Variants in CUEDC1 observed in about 807,000 individuals in gnomAD.
CUEDC1 encodes CUE domain containing 1.
CUEDC1 carries 30 observed loss-of-function variants against 43.7 expected under a neutral mutation model. The observed-to-expected ratio is 0.69, with a 90% CI of 0.51 to 0.93. The LOEUF is 0.93. Among genes scored for constraint, CUEDC1 ranks in the 40% least tolerant of loss-of-function variants. The pLI is 0.00. For synonymous variants in CUEDC1, 223 were observed against 223.6 expected, an observed-to-expected ratio of 1.00 and a Z score of 0.02; for missense variants, 486 against 549.0, an observed-to-expected ratio of 0.89 and a Z score of 1.15.
intron 6 of CUEDC1, among the ~76,000 whole-genome samples, chr17:57,870,427 C>A (rs777498143): frequency 6.6e-6 from 1 of 152,278 alleles, no homozygotes; most frequent in African/African-American, 2.4e-5. Context: ...TCCTCCAACA[C>A]CTAGGGCAAG....
intron 4 of CUEDC1, 127 bp from the exon 5 acceptor site, chr17:57,872,982 T>A: frequency 2.3e-6 from 2 of 873,312 alleles, no homozygotes; most frequent in Non-Finnish European, 3.4e-6. Context: ...GGCTCACACC[T>A]CCTAATGGAA....
intron 1 of CUEDC1, among the ~76,000 whole-genome samples, chr17:57,932,576 C>T (rs2074817441): frequency 1.2e-5 from 1 of 81,516 alleles, no homozygotes; most frequent in Non-Finnish European, 2.1e-5. Context: ...CAGAGCAAGA[C>T]TCTGTCTCAA....
In CUEDC1 at chr17:57,869,203, G is replaced by C. The variant is rs1037076078; in HGVS notation, c.869-10C>G. The C allele has an allele frequency of 6.2e-7, 1 of 1,613,000 alleles. No homozygotes were observed. Among genetic ancestry groups the C allele is most frequent in the African/African-American group, 1.3e-5 (1 of 75,058 alleles). On this transcript the variant is annotated splice_polypyrimidine_tract_variant and intron_variant, in intron 6 of 10. Transcript: ENST00000577830. ...TTGGCGTCGCCAGTTCCTGGAAGGA[G>C]ACACCTGCTGAAGGCCGGCCACCGT...
rs561656956 is a variant in CUEDC1 at position 57,870,743 on chromosome 17, C to T, written c.868+543G>A. ...TCAAGCTGGAGTGCAGTGGCATAAT[C>T]ACAGCTCACTGCAGCCTCAACCTCC... On this transcript the variant is annotated intron_variant, in intron 6 of 10. Transcript: ENST00000577830. 2.0e-4 allele frequency among the ~76,000 whole-genome samples: 31 copies of T among 151,644 alleles called. No individual in the cohort carries two copies. The South Asian group carries it at 6.2e-3, about 31-fold the overall frequency.
chr17:57,863,740 G>GGCT (rs1336108533), intron 10 of CUEDC1, among the ~76,000 whole-genome samples: 1 of 152,204 alleles, frequency 6.6e-6, no homozygotes, highest in East Asian at 1.9e-4. Context: ...CAGGCGCAGT[G>GGCT]GCTCACGCCT....
intron 6 of CUEDC1, 115 bp downstream of exon 6, chr17:57,871,171 C>A: frequency 1.2e-6 from 1 of 834,060 alleles, no homozygotes; most frequent in Non-Finnish European, 2.1e-6. Flanking sequence ...AGGCCCAGGC[C>A]CCCTCCCACA....
intron 1 of CUEDC1, among the ~76,000 whole-genome samples, chr17:57,953,051 C>T (rs1362015988): frequency 6.6e-6 from 1 of 152,120 alleles, no homozygotes; most frequent in Non-Finnish European, 1.5e-5. Flanking sequence ...TCTAAGGAAC[C>T]GACAACACCC....
chr17:57,874,578 T>A (rs1052593782), intron 3 of CUEDC1, among the ~76,000 whole-genome samples: 2 of 152,114 alleles, frequency 1.3e-5, no homozygotes, highest in South Asian at 2.1e-4. Context: ...GCCCTGGGCC[T>A]GAGGGCAGCT....
At chr17:57,892,246 C>T (rs1011656360) in intron 1 of CUEDC1, among the ~76,000 whole-genome samples, 1 of 152,184 alleles carries the variant, frequency 6.6e-6, no homozygotes, top group Admixed American at 6.5e-5. Context: ...GGGTCTGAGG[C>T]CAAGGCAGCC....
intron 2 of CUEDC1, among the ~76,000 whole-genome samples, chr17:57,882,411 TA>T (rs1316682649): frequency 2.0e-5 from 3 of 151,972 alleles, no homozygotes; most frequent in African/African-American, 7.3e-5. Context: ...AGGGCCTACC[TA>T]GGGGGTGGTG....
chr17:57,868,472 GGACACCCT>G, intron 7 of CUEDC1: 1 of 565,696 alleles, frequency 1.8e-6, no homozygotes, highest in Non-Finnish European at 3.2e-6. Flanking sequence ...GGGCAGCACA[GGACACCCT>G]GAGCCAGGCC....
At chr17:57,887,655 CTTTTTTTTTT>C (rs3085786) in intron 1 of CUEDC1, among the ~76,000 whole-genome samples, 3 of 58,032 alleles carry the variant, frequency 5.2e-5, no homozygotes, top group Non-Finnish European at 8.8e-5. Flanking sequence ...CCACGCCTGG[CTTTTTTTTTT>C]TTTTTTTTTT....
intron 1 of CUEDC1, among the ~76,000 whole-genome samples, chr17:57,902,000 C>A (rs1051559292): frequency 2.0e-5 from 3 of 152,030 alleles, no homozygotes; most frequent in African/African-American, 7.2e-5. Flanking sequence ...ATGGTGAAAC[C>A]CCATCTCTAC....
chr17:57,919,396 T>C (rs1191405401), intron 1 of CUEDC1, among the ~76,000 whole-genome samples: 1 of 152,088 alleles, frequency 6.6e-6, no homozygotes, highest in African/African-American at 2.4e-5. Context: ...GCCAAGCTGG[T>C]CTTGAACTCC....
At position 57,908,605 on chromosome 17, in the gene CUEDC1, G is replaced by T. The variant is rs921572499; in HGVS notation, c.-315-22726C>A. Reference sequence around the variant, plus strand: ...GTAGATTTTTTAATAAAAGGATGTTGTATCCAGGGGCTTCCTGAAACATGC... The same window carrying T: ...GTAGATTTTTTAATAAAAGGATGTTTTATCCAGGGGCTTCCTGAAACATGC... On this transcript the variant is annotated intron_variant, in intron 1 of 10. Transcript: ENST00000577830. 5.9e-5 allele frequency among the ~76,000 whole-genome samples: 9 copies of T among 152,248 alleles called. No individual in the cohort carries two copies. In the East Asian group the frequency reaches 1.5e-3, roughly 26 times the overall value.
At chr17:57,873,499 C>T in intron 4 of CUEDC1, 92 bp downstream of exon 4, 2 of 1,391,022 alleles carry the variant, frequency 1.4e-6, no homozygotes, top group Non-Finnish European at 9.6e-7. Flanking sequence ...GTTTAAACAT[C>T]AGGAAGTAAA....
intron 1 of CUEDC1, among the ~76,000 whole-genome samples, chr17:57,904,278 TCAC>T (rs1386825625): frequency 1.3e-5 from 2 of 152,026 alleles, no homozygotes; most frequent in African/African-American, 2.4e-5. Context: ...ATAACCATCC[TCAC>T]GGGCACCCAG....
intron 3 of CUEDC1, among the ~76,000 whole-genome samples, chr17:57,873,979 G>C (rs573501787): frequency 8.5e-5 from 13 of 152,188 alleles, no homozygotes; most frequent in Admixed American, 3.3e-4. Context: ...GTCTGTCCAC[G>C]GTGCACATGT....
At chr17:57,923,771 T>C (rs750189227) in intron 1 of CUEDC1, among the ~76,000 whole-genome samples, 2 of 152,166 alleles carry the variant, frequency 1.3e-5, no homozygotes, top group Non-Finnish European at 2.9e-5. Context: ...ACCCTGAACA[T>C]CAACAAAACA....
Sources: gnomAD v4.1 joint callset for allele counts (sites outside exome capture counted in the v4.1 genomes callset) on GRCh38, gnomAD v4.1.1 for gene constraint, MANE v1.5 for transcripts, NCBI Gene and HGNC (gene_info 2026-07-23, HGNC 2026-07-21) for gene names.